The following ICA1 variants were observed in gnomAD, a reference collection of about 807,000 sequenced individuals.
ICA1 encodes islet cell autoantigen 1, also known as 69 kDa islet cell autoantigen.
Under a neutral mutation model 71.0 loss-of-function variants are expected in ICA1, and 40 were observed. The ratio of observed to expected loss-of-function variants is 0.56; its 90% CI spans 0.44 to 0.73. The LOEUF (loss-of-function observed/expected upper bound fraction) is 0.73. ICA1 is among the 30% of genes least tolerant of loss of function. The pLI, the probability that ICA1 is intolerant of heterozygous loss-of-function variation, is 0.00. For synonymous variants in ICA1, 207 were observed against 209.5 expected (o/e 0.99, Z 0.10); for missense variants, 578 against 576.5 (o/e 1.00, Z -0.03).
At chr7:8,131,334 A>G (rs1163089851) in intron 12 of ICA1, among the ~76,000 whole-genome samples, 1 of 152,136 alleles carries the variant, frequency 6.6e-6, no homozygotes, top group Non-Finnish European at 1.5e-5. Context: ...TTAAACCTAA[A>G]CTATTTCAAA....
At chr7:8,138,492 T>C (rs574652681) in intron 12 of ICA1, among the ~76,000 whole-genome samples, 25 of 152,332 alleles carry the variant, frequency 1.6e-4, no homozygotes, top group Admixed American at 1.5e-3. Context: ...AGTTTAAGTA[T>C]GAAGCAAATC....
intron 1 of ICA1, among the ~76,000 whole-genome samples, chr7:8,243,159 A>T (rs1804619452): frequency 6.6e-6 from 1 of 152,214 alleles, no homozygotes. Flanking sequence ...TCAGTGTGAA[A>T]ATCCTCAATA....
At chr7:8,142,632 G>A (rs1474809751) in intron 9 of ICA1, among the ~76,000 whole-genome samples, 1 of 152,214 alleles carries the variant, frequency 6.6e-6, no homozygotes. Flanking sequence ...TAAGTGGGCA[G>A]CCCCTTAACC....
chr7:8,218,617 G>C, intron 5 of ICA1, 114 bp from the exon 6 acceptor site: 1 of 781,916 alleles, frequency 1.3e-6, no homozygotes, highest in Non-Finnish European at 2.2e-6. Context: ...GAATGTAGAA[G>C]ATGCTCCATC....
At chr7:8,133,489 T>G (rs1224102484) in intron 12 of ICA1, among the ~76,000 whole-genome samples, 1 of 152,198 alleles carries the variant, frequency 6.6e-6, no homozygotes, top group African/African-American at 2.4e-5. Flanking sequence ...TCTCAAGTGA[T>G]CCTCCTGCCT....
rs542506194 is a variant in ICA1, at chr7:8,220,985, A to G, written c.380+290T>C. 1.1e-4 allele frequency among the ~76,000 whole-genome samples: 16 copies of G among 152,306 alleles called. No homozygotes were observed. In the East Asian group the frequency reaches 2.5e-3, roughly 24 times the overall value. On this transcript the variant is annotated intron_variant, in intron 5 of 13. Transcript: ENST00000402384. ...TTGCTACAAGCAACACTGAAGGTCAAACATAAGCCTAGGACAGCACTCATA... is the reference window on the plus strand; with the variant it reads ...TTGCTACAAGCAACACTGAAGGTCAGACATAAGCCTAGGACAGCACTCATA...
rs367716493 is a variant in ICA1, at chr7:8,166,747, C to T, written c.580-8095G>A. ...AAATATTTGCAAACTATGTATCTGG[C>T]AAGGGTCTAATATCCAGAATCTATA... On this transcript the variant is annotated intron_variant, in intron 6 of 13. Coordinates refer to ENST00000402384, the MANE Select transcript of ICA1 (RefSeq NM_001136020.3). Among the ~76,000 whole-genome samples, 12 of 151,996 alleles carry T rather than the reference C, an allele frequency of 7.9e-5. No homozygotes were observed. The East Asian group carries it at 1.9e-3, about 24-fold the overall frequency.
At chr7:8,249,162 G>T (rs1807219893) in intron 1 of ICA1, among the ~76,000 whole-genome samples, 1 of 152,390 alleles carries the variant, frequency 6.6e-6, no homozygotes, top group South Asian at 2.1e-4. Context: ...CCATGGCAGA[G>T]GAAACTGCCA....
rs530779295 is a variant in ICA1, at chr7:8,252,948, C to T, written c.-80+9146G>A. ...CTGGTCTTGAACTCCTAGGCTCAAACAATCCTCCCACCTCAGCCTCCTGAG... is the reference window on the plus strand; with the variant it reads ...CTGGTCTTGAACTCCTAGGCTCAAATAATCCTCCCACCTCAGCCTCCTGAG... On this transcript the variant is annotated intron_variant, in intron 1 of 13. Transcript: ENST00000402384. Among the ~76,000 whole-genome samples, 52 of 152,202 alleles carry T rather than the reference C, an allele frequency of 3.4e-4. 1 individual carries two copies. The highest frequency in any genetic ancestry group is 3.9e-4 in the East Asian group (2 of 5,182).
intron 13 of ICA1, among the ~76,000 whole-genome samples, chr7:8,115,200 G>A (rs911944582): frequency 6.6e-6 from 1 of 152,172 alleles, no homozygotes; most frequent in African/African-American, 2.4e-5. Flanking sequence ...GTGTATCTAT[G>A]ATGGTGAGAA....
intron 6 of ICA1, among the ~76,000 whole-genome samples, chr7:8,217,956 T>C (rs950573318): frequency 1.3e-5 from 2 of 152,248 alleles, no homozygotes; most frequent in Non-Finnish European, 2.9e-5. Flanking sequence ...ATTTCCCCAG[T>C]AGTCTGTTCT....
chr7:8,207,838 G>A (rs553936149), intron 6 of ICA1, among the ~76,000 whole-genome samples: 5 of 152,144 alleles, frequency 3.3e-5, no homozygotes, highest in African/African-American at 1.2e-4. Flanking sequence ...GAAACTACCA[G>A]TTTTCTATTG....
chr7:8,255,779 C>CTTTTTTTTTTTTT (rs573673718), intron 1 of ICA1, among the ~76,000 whole-genome samples: 49 of 132,906 alleles, frequency 3.7e-4, no homozygotes, highest in African/African-American at 1.3e-3. Context: ...ACTTCTTTCT[C>CTTTTTTTTTTTTT]TTTTTTTTTT....
At chr7:8,219,265 C>T (rs1796313760) in intron 5 of ICA1, among the ~76,000 whole-genome samples, 1 of 152,142 alleles carries the variant, frequency 6.6e-6, no homozygotes, top group East Asian at 1.9e-4. Context: ...ATCTCCCTAC[C>T]CAAAAATGAG....
At chr7:8,171,492 T>G (rs781496343) in intron 6 of ICA1, among the ~76,000 whole-genome samples, 1 of 151,898 alleles carries the variant, frequency 6.6e-6, no homozygotes, top group Non-Finnish European at 1.5e-5. Context: ...CCTCCTTAAT[T>G]CTAAGTATTA....
At chr7:8,204,111 G>C (rs1026334043) in intron 6 of ICA1, among the ~76,000 whole-genome samples, 1 of 152,122 alleles carries the variant, frequency 6.6e-6, no homozygotes, top group Non-Finnish European at 1.5e-5. Flanking sequence ...CTTGGAACAT[G>C]AAACACTGGG....
In ICA1 at chr7:8,125,887, A is replaced by G. The variant is rs1225367835; in HGVS notation, c.1330+1986T>C. 2.0e-5 allele frequency among the ~76,000 whole-genome samples: 3 copies of G among 152,170 alleles called. No homozygotes were observed. In the East Asian group the frequency reaches 5.8e-4, roughly 29 times the overall value. On this transcript the variant is annotated intron_variant, in intron 13 of 13. Transcript: ENST00000402384. ...GAGCTTGTGTTTCTCTCTCCCTCCCAGAACACCTCCCTCCTTAGACCTCAG... is the reference window on the plus strand; with the variant it reads ...GAGCTTGTGTTTCTCTCTCCCTCCCGGAACACCTCCCTCCTTAGACCTCAG...
chr7:8,217,050 C>A (rs1032231217), intron 6 of ICA1, among the ~76,000 whole-genome samples: 3 of 152,224 alleles, frequency 2.0e-5, no homozygotes, highest in African/African-American at 7.2e-5. Context: ...CAGCATCTAG[C>A]TAGCAATCCT....
Position 8,221,364 on chromosome 7 carries a change from A to T in ICA1, c.291T>A (p.Phe97Leu). 1 of 1,613,708 alleles carries T rather than the reference A, an allele frequency of 6.2e-7. No individual in the cohort carries two copies. The highest frequency in any genetic ancestry group is 8.5e-7 in the Non-Finnish European group (1 of 1,179,676). Residue 97 changes from phenylalanine to leucine, a missense_variant, in exon 5 of 14, where the codon TTT becomes TTA. By Grantham distance (22) the Phe-to-Leu change is conservative (BLOSUM62 0). Transcript: ENST00000402384. ...LSQEENELGK[F>L]LRSQGFQDKT... ...TATCTTGGAAACCTTGGGATCGAAG[A>T]AATTTTCCCAGTTCGTTTTCTTCTT...
Sources: allele counts gnomAD v4.1 joint callset (sites outside exome capture counted in the v4.1 genomes callset), GRCh38; gene constraint gnomAD v4.1.1; transcripts MANE v1.5; gene names NCBI Gene and HGNC (gene_info 2026-07-23, HGNC 2026-07-21).